RERE: variants seen among roughly 807,000 people sequenced by gnomAD.
The protein encoded by RERE is arginine-glutamic acid dipeptide repeats protein.
RERE carries 40 observed loss-of-function variants against 146.1 expected under a neutral mutation model. That is an observed-to-expected ratio of 0.27 (90% confidence interval 0.21 to 0.36). RERE has a LOEUF of 0.36. Ranked by LOEUF, RERE falls within the 10% of genes least tolerant of loss-of-function variation. RERE has a pLI of 1.00. For synonymous variants in RERE, 1,003 were observed against 866.0 expected (o/e 1.16, Z -2.78); for missense variants, 1,933 against 2,138.7 (o/e 0.90, Z 1.90).
chr1:8,790,747 A>G (rs1641350948), intron 1 of RERE, among the ~76,000 whole-genome samples: 1 of 152,174 alleles, frequency 6.6e-6, no homozygotes, highest in African/African-American at 2.4e-5. Flanking sequence ...CCATGCCCAA[A>G]TAATTTTTTT....
intron 1 of RERE, among the ~76,000 whole-genome samples, chr1:8,694,244 A>G (rs940431084): frequency 6.6e-6 from 1 of 152,218 alleles, no homozygotes; most frequent in Non-Finnish European, 1.5e-5. Context: ...GACGCCATCA[A>G]AAGACTCCTG....
At chr1:8,711,092 GGCT>G (rs1375505413) in intron 1 of RERE, among the ~76,000 whole-genome samples, 1 of 145,900 alleles carries the variant, frequency 6.9e-6, no homozygotes, top group African/African-American at 2.5e-5. Context: ...GGGAGGCGGA[GGCT>G]GCTGTGAGCC....
At chr1:8,772,317 C>A (rs968594421) in intron 1 of RERE, among the ~76,000 whole-genome samples, 17 of 152,084 alleles carry the variant, frequency 1.1e-4, no homozygotes, top group African/African-American at 3.9e-4. Context: ...TATATAAATT[C>A]TGTTTTACTT....
intron 1 of RERE, among the ~76,000 whole-genome samples, chr1:8,809,804 A>G (rs1641758498): frequency 1.3e-5 from 2 of 152,230 alleles, no homozygotes; most frequent in Admixed American, 1.3e-4. Flanking sequence ...TAATCTAATA[A>G]AGAGAACATA....
chr1:8,808,640 G>T (rs1026465905), intron 1 of RERE, among the ~76,000 whole-genome samples: 13 of 152,128 alleles, frequency 8.5e-5, no homozygotes, highest in African/African-American at 2.9e-4. Flanking sequence ...AATAAGCAGT[G>T]GGCTGCAGAT....
chr1:8,365,674 C>T, intron 13 of RERE, 138 bp downstream of exon 13: 2 of 899,128 alleles, frequency 2.2e-6, no homozygotes, highest in South Asian at 1.7e-5. Flanking sequence ...TTAGGTCAGG[C>T]TTCACACATG....
Position 8,712,279 on chromosome 1 carries a change from T to A in RERE, c.-144-55838A>T, listed in dbSNP as rs568697563. Among the ~76,000 whole-genome samples, 155 of 152,124 alleles carry A rather than the reference T, an allele frequency of 1.0e-3. 1 individual carries two copies. Among genetic ancestry groups the A allele is most frequent in the Non-Finnish European group, 2.0e-3 (137 of 68,020 alleles). On this transcript the variant is annotated intron_variant, in intron 1 of 22. Coordinates refer to ENST00000400908, the MANE Select transcript of RERE (RefSeq NM_001042681.2). ...CAAATGCTGAACATACATTCTGGAG[T>A]TTAATTTTAACTAAAAGAGCAAATA... is the stretch of plus-strand genomic sequence containing the variant.
intron 11 of RERE, among the ~76,000 whole-genome samples, chr1:8,461,662 A>G (rs577247263): frequency 2.6e-5 from 4 of 152,246 alleles, no homozygotes; most frequent in Non-Finnish European, 5.9e-5. Context: ...ATAAACTGAG[A>G]GTTTGAGATG....
intron 1 of RERE, among the ~76,000 whole-genome samples, chr1:8,792,955 G>A (rs775114937): frequency 2.0e-4 from 31 of 151,868 alleles, no homozygotes; most frequent in Non-Finnish European, 1.3e-4. Flanking sequence ...TCAGGAGTTC[G>A]AGACCAGCCT....
intron 1 of RERE, among the ~76,000 whole-genome samples, chr1:8,670,303 C>G (rs958074500): frequency 6.6e-6 from 1 of 152,178 alleles, no homozygotes; most frequent in Non-Finnish European, 1.5e-5. Flanking sequence ...GTAGTTATAA[C>G]ACTGATCATC....
In RERE at chr1:8,361,406, G is replaced by A; in HGVS notation, c.2101C>T (p.Pro701Ser). Residue 701 changes from proline to serine, a missense_variant, in exon 18 of 23, where the codon CCC becomes TCC. Pro to Ser is a moderately conservative substitution (Grantham distance 74). Around this residue, in one of 11 missense-constraint regions of RERE, gnomAD observed 1,255 missense variants for 1,153.8 expected, o/e 1.09. Coordinates refer to ENST00000400908, the MANE Select transcript of RERE (RefSeq NM_001042681.2). ...RSVNDEGSSD[P>S]KDIDQDNRST... Reference sequence around the variant, plus strand: ...CGATTGTCCTGGTCGATGTCTTTGGGGTCACTGCTACCCTCATCGTTGACG... The same window carrying A: ...CGATTGTCCTGGTCGATGTCTTTGGAGTCACTGCTACCCTCATCGTTGACG... 6.2e-7 allele frequency: 1 copy of A among 1,613,872 alleles called. No individual in the cohort carries two copies. Among genetic ancestry groups the A allele is most frequent in the African/African-American group, 1.3e-5 (1 of 74,988 alleles).
chr1:8,653,027 T>C (rs1372533256), intron 2 of RERE, among the ~76,000 whole-genome samples: 1 of 152,202 alleles, frequency 6.6e-6, no homozygotes, highest in Non-Finnish European at 1.5e-5. Context: ...TGTTGGTTTA[T>C]TTCTATTTTT....
intron 4 of RERE, among the ~76,000 whole-genome samples, chr1:8,611,488 G>A (rs1352702365): frequency 6.6e-6 from 1 of 151,754 alleles, no homozygotes; most frequent in Non-Finnish European, 1.5e-5. Context: ...TGCATGACAG[G>A]GTGAGACTCT....
chr1:8,659,358 G>A (rs1183497724), intron 1 of RERE, among the ~76,000 whole-genome samples: 1 of 152,206 alleles, frequency 6.6e-6, no homozygotes, highest in East Asian at 1.9e-4. Flanking sequence ...GGCGTTCGAA[G>A]CCATCCTGGC....
At chr1:8,422,698 C>G (rs780231226) in intron 12 of RERE, 29 bp downstream of exon 12, 2 of 1,532,382 alleles carry the variant, frequency 1.3e-6, no homozygotes, top group South Asian at 1.1e-5. Context: ...AGGAAAAAAT[C>G]AAGTTACATA....
chr1:8,772,255 C>T (rs1049676448), intron 1 of RERE, among the ~76,000 whole-genome samples: 4 of 151,950 alleles, frequency 2.6e-5, no homozygotes, highest in African/African-American at 9.7e-5. Context: ...GAGATATAAC[C>T]TGTCACTACA....
intron 1 of RERE, among the ~76,000 whole-genome samples, chr1:8,721,648 G>A (rs1267260275): frequency 6.6e-6 from 1 of 152,132 alleles, no homozygotes; most frequent in East Asian, 1.9e-4. Context: ...TGAGAAGTGA[G>A]GCACCTGACC....
chr1:8,674,642 G>A (rs933970518), intron 1 of RERE, among the ~76,000 whole-genome samples: 2 of 152,160 alleles, frequency 1.3e-5, no homozygotes, highest in African/African-American at 4.8e-5. Context: ...GATTAAATAA[G>A]GTCTGTATTC....
At chr1:8,601,051 G>A (rs567125012) in intron 4 of RERE, among the ~76,000 whole-genome samples, 2 of 116,054 alleles carry the variant, frequency 1.7e-5, no homozygotes, top group Non-Finnish European at 1.7e-5. Flanking sequence ...ACAGAGTCTT[G>A]CTATGTCAGC....
Sources: allele counts gnomAD v4.1 joint callset (sites outside exome capture counted in the v4.1 genomes callset), GRCh38; gene constraint gnomAD v4.1.1; regional missense constraint gnomAD v4.1.1; transcripts MANE v1.5; gene names NCBI Gene and HGNC (gene_info 2026-07-23, HGNC 2026-07-21).